TXN: variants seen among roughly 807,000 people sequenced by gnomAD.
The protein encoded by TXN is thioredoxin.
A neutral mutation model predicts 16.5 loss-of-function variants in TXN; 10 were observed. The ratio of observed to expected loss-of-function variants is 0.61; its 90% CI spans 0.37 to 1.03. The LOEUF is 1.03. Among genes scored for constraint, TXN ranks in the 50% least tolerant of loss-of-function variants. TXN has a pLI of 0.01. For synonymous variants in TXN, 35 were observed against 39.4 expected, an observed-to-expected ratio of 0.89 and a Z score of 0.42; for missense variants, 71 against 122.5, an observed-to-expected ratio of 0.58 and a Z score of 1.98.
At position 110,244,848 on chromosome 9, in the gene TXN, T is replaced by C; in HGVS notation, c.190-5A>G. On this transcript the variant is annotated splice_region_variant and splice_polypyrimidine_tract_variant and intron_variant, in intron 3 of 4. Coordinates refer to ENST00000374517, the MANE Select transcript of TXN (RefSeq NM_003329.4). ...TTCACACTCTGAAGCAACATCCTGG[T>C]AGGGAAAGTAGCAAAGGGAGAGGAT... is the stretch of plus-strand genomic sequence containing the variant. 1 of 1,612,160 alleles carries C rather than the reference T, an allele frequency of 6.2e-7. No homozygotes were observed. Among genetic ancestry groups the C allele is most frequent in the Non-Finnish European group, 8.5e-7 (1 of 1,178,470 alleles).
At chr9:110,248,869 T>C (rs919868388) in intron 3 of TXN, among the ~76,000 whole-genome samples, 6 of 152,030 alleles carry the variant, frequency 3.9e-5, no homozygotes, top group Non-Finnish European at 7.4e-5. Context: ...TCCCAGCACT[T>C]TGGGAGGCCG....
chr9:110,245,654 A>ATATATATATATATATATATAT (rs1232332404), intron 3 of TXN, among the ~76,000 whole-genome samples: 1 of 21,772 alleles, frequency 4.6e-5, no homozygotes, highest in Non-Finnish European at 7.5e-5. Flanking sequence ...ATATATATAT[A>ATATATATATATATATATATAT]TTTTTTTTTT....
At chr9:110,245,361 A>C (rs1564367209) in intron 3 of TXN, among the ~76,000 whole-genome samples, 1 of 151,854 alleles carries the variant, frequency 6.6e-6, no homozygotes, top group Non-Finnish European at 1.5e-5. Flanking sequence ...ATTGTTCAAG[A>C]ACAAAATAAT....
At chr9:110,252,649 T>C (rs190933517) in intron 1 of TXN, among the ~76,000 whole-genome samples, 1 of 152,294 alleles carries the variant, frequency 6.6e-6, no homozygotes, top group East Asian at 1.9e-4. Context: ...CTCATTTTTG[T>C]TTTGTTTTGT....
At chr9:110,254,208 T>G (rs4135170) in intron 1 of TXN, among the ~76,000 whole-genome samples, 2 of 152,164 alleles carry the variant, frequency 1.3e-5, no homozygotes, top group South Asian at 4.1e-4. Flanking sequence ...AGGATGAAAA[T>G]GTAACATGTA....
At chr9:110,245,626 A>AC (rs1310999227) in intron 3 of TXN, among the ~76,000 whole-genome samples, 436 of 20,796 alleles carry the variant, frequency 0.021, 14 homozygotes, top group East Asian at 0.11. Flanking sequence ...CACTATATAT[A>AC]TATATATATA....
Position 110,244,229 on chromosome 9 carries a change from G to A in TXN, c.256-10C>T. The A allele has an allele frequency of 6.5e-7, 1 of 1,539,742 alleles. No individual in the cohort carries two copies. The highest frequency in any genetic ancestry group is 8.8e-7 in the Non-Finnish European group (1 of 1,140,684). ...CAGAAAATTCACCCACCTGTTAAGA[G>A]AATATTGAATTGACATTAGACGTAG... On this transcript the variant is annotated splice_polypyrimidine_tract_variant and intron_variant, in intron 4 of 4. Coordinates refer to ENST00000374517, the MANE Select transcript of TXN (RefSeq NM_003329.4).
chr9:110,247,295 C>G (rs1392371446), intron 3 of TXN, among the ~76,000 whole-genome samples: 1 of 149,528 alleles, frequency 6.7e-6, no homozygotes, highest in African/African-American at 2.5e-5. Context: ...TGCACTCCAG[C>G]CTGGGTGACA....
Position 110,256,406 on chromosome 9 carries a change from G to A in TXN, c.24+6C>T, listed in dbSNP as rs1294781523. 3 of 1,606,050 alleles carry A rather than the reference G, an allele frequency of 1.9e-6. No individual in the cohort carries two copies. The highest frequency in any genetic ancestry group is 2.7e-5 in the African/African-American group (2 of 74,644). Reference sequence around the variant, plus strand: ...CGGCACCCTGGCCTTCCCCGGTAGCGCGTACCTTGCTCTCGATCTGCTTCA... The same window carrying A: ...CGGCACCCTGGCCTTCCCCGGTAGCACGTACCTTGCTCTCGATCTGCTTCA... On this transcript the variant is annotated splice_donor_region_variant and intron_variant, in intron 1 of 4. Transcript: ENST00000374517. This position sits in a 1 kb window ranked among gnomAD's most constrained non-coding sequence, Gnocchi z 4.2.
At chr9:110,249,946 A>T (rs1837707446) in intron 3 of TXN, among the ~76,000 whole-genome samples, 1 of 152,090 alleles carries the variant, frequency 6.6e-6, no homozygotes, top group Non-Finnish European at 1.5e-5. Context: ...TTCCTTCTCC[A>T]CTAGGGCTAA....
rs1422193866 is a variant in TXN, at chr9:110,256,076, G to A, written c.24+336C>T. ...GAGGCGCAGCGTGGGGACTCCTCAC[G>A]CTGTCTGCGCTCTCACATCCCCCGG... is the stretch of plus-strand genomic sequence containing the variant. On this transcript the variant is annotated intron_variant, in intron 1 of 4. Transcript: ENST00000374517. This position sits in a 1 kb window ranked among gnomAD's most constrained non-coding sequence, Gnocchi z 4.2. 2.0e-5 allele frequency among the ~76,000 whole-genome samples: 3 copies of A among 152,178 alleles called. No homozygotes were observed. The highest frequency in any genetic ancestry group is 2.0e-4 in the Admixed American group (3 of 15,286).
intron 3 of TXN, 166 bp from the exon 4 acceptor site, chr9:110,245,009 T>G (rs4135220): frequency 0.58 from 280,585 of 482,716 alleles, 85,720 homozygotes; most frequent in East Asian, 0.92. Context: ...TATAATGGCA[T>G]TACAAAAGCC....
At chr9:110,253,330 T>C (rs528294547) in intron 1 of TXN, among the ~76,000 whole-genome samples, 24 of 152,240 alleles carry the variant, frequency 1.6e-4, no homozygotes, top group Middle Eastern at 3.4e-3. Flanking sequence ...ACCCCACCTC[T>C]AGAGGTGGAG....
intron 3 of TXN, among the ~76,000 whole-genome samples, chr9:110,249,089 T>C (rs544474766): frequency 8.5e-6 from 1 of 117,490 alleles, no homozygotes; most frequent in African/African-American, 3.2e-5. Context: ...ATCATGCCAC[T>C]GCACTCCACC....
intron 1 of TXN, among the ~76,000 whole-genome samples, chr9:110,254,990 C>T (rs1472873847): frequency 6.6e-6 from 1 of 152,218 alleles, no homozygotes; most frequent in African/African-American, 2.4e-5. Context: ...CTTTTCAACA[C>T]ATGAGGGCTG....
At chr9:110,253,943 G>A (rs1287121960) in intron 1 of TXN, among the ~76,000 whole-genome samples, 2 of 152,174 alleles carry the variant, frequency 1.3e-5, no homozygotes, top group Non-Finnish European at 1.5e-5. Context: ...CTAAGATCTC[G>A]TTGCCTCAAC....
chr9:110,244,299 T>TTTTATATATACATATACATATG, intron 4 of TXN, 80 bp from the exon 5 acceptor site: 1 of 367,000 alleles, frequency 2.7e-6, no homozygotes, highest in Non-Finnish European at 4.5e-6. Flanking sequence ...AAATATGTAT[T>TTTTATATATACATATACATATG]TATATATATA....
chr9:110,249,021 A>G (rs368336336), intron 3 of TXN, among the ~76,000 whole-genome samples: 28 of 149,580 alleles, frequency 1.9e-4, no homozygotes, highest in African/African-American at 6.6e-4. Flanking sequence ...CCAGCTACCC[A>G]GGAGGCTGAG....
Position 110,256,322 on chromosome 9 carries a change from C to A in TXN, c.24+90G>T. 7.2e-7 allele frequency: 1 copy of A among 1,397,412 alleles called. No homozygotes were observed. The highest frequency in any genetic ancestry group is 1.4e-5 in the African/African-American group (1 of 68,986). The allele number at this position is 1,397,412 out of a possible 1,614,324, so 86.6% of individuals were successfully genotyped here. On this transcript the variant is annotated intron_variant, in intron 1 of 4. Transcript: ENST00000374517. The surrounding 1 kb of genome is among the most constrained non-coding windows in gnomAD (Gnocchi z 4.2). Reference sequence around the variant, plus strand: ...GAGGGGCGGCCTCCGCACCTCCCGCCACCGCCTTCCCCACCTCCCGCCACC... The same window carrying A: ...GAGGGGCGGCCTCCGCACCTCCCGCAACCGCCTTCCCCACCTCCCGCCACC...
Sources: allele counts gnomAD v4.1 joint callset (sites outside exome capture counted in the v4.1 genomes callset), GRCh38; gene constraint gnomAD v4.1.1; non-coding constraint Gnocchi (gnomAD v3.1); transcripts MANE v1.5; gene names NCBI Gene and HGNC (gene_info 2026-07-23, HGNC 2026-07-21).